Variants in GRB14 observed in about 807,000 individuals in gnomAD.
GRB14 encodes growth factor receptor bound protein 14.
A neutral mutation model predicts 69.1 loss-of-function variants in GRB14; 38 were observed. That is an observed-to-expected ratio of 0.55 (90% CI 0.42 to 0.72). The LOEUF (loss-of-function observed/expected upper bound fraction) is 0.72, where lower values mean the gene tolerates loss of function less well. GRB14 is among the 30% of genes least tolerant of loss of function. GRB14 has a pLI of 0.00. For synonymous variants in GRB14, 247 were observed against 241.3 expected (o/e 1.02, Z -0.22); for missense variants, 666 against 666.1 (o/e 1.00, Z 0.00).
At position 164,502,186 on chromosome 2, in the gene GRB14, T is replaced by C. The variant is rs191928964; in HGVS notation, c.1104+69A>G. On this transcript the variant is annotated intron_variant, in intron 9 of 13. Transcript: ENST00000263915. Reference sequence around the variant, plus strand: ...CATAAATTATTATAAGATACTGTTATGTAGTGTAATTTAAATTAATATAAT... The same window carrying C: ...CATAAATTATTATAAGATACTGTTACGTAGTGTAATTTAAATTAATATAAT... The C allele has an allele frequency of 1.1e-4, 88 of 777,352 alleles. No individual in the cohort carries two copies. The East Asian group carries it at 2.2e-3, about 19-fold the overall frequency. 48.2% of individuals were successfully genotyped at this position (777,352 alleles called of 1,614,324 possible).
chr2:164,553,893 G>A (rs984526512), intron 2 of GRB14, among the ~76,000 whole-genome samples: 41 of 152,238 alleles, frequency 2.7e-4, no homozygotes, highest in South Asian at 8.3e-4. Context: ...GGCGGAGGTT[G>A]CGGTGAGCCA....
At chr2:164,520,122 G>T (rs2105280705) in intron 6 of GRB14, among the ~76,000 whole-genome samples, 1 of 152,152 alleles carries the variant, frequency 6.6e-6, no homozygotes, top group South Asian at 2.1e-4. Flanking sequence ...TATACTACAA[G>T]GCCATAGTCA....
chr2:164,580,633 G>A (rs1213950113), intron 2 of GRB14, among the ~76,000 whole-genome samples: 4 of 151,750 alleles, frequency 2.6e-5, no homozygotes, highest in African/African-American at 9.7e-5. Flanking sequence ...GAACCCGAGA[G>A]GTGGAGGTTG....
intron 2 of GRB14, among the ~76,000 whole-genome samples, chr2:164,596,157 A>G (rs949911516): frequency 1.3e-5 from 2 of 152,168 alleles, no homozygotes; most frequent in Admixed American, 6.5e-5. Context: ...TGAATTCTAT[A>G]TTTGTACTTA....
chr2:164,589,720 C>T (rs1689617577), intron 2 of GRB14, among the ~76,000 whole-genome samples: 1 of 152,144 alleles, frequency 6.6e-6, no homozygotes, highest in Admixed American at 6.6e-5. Flanking sequence ...CAAATTTCAA[C>T]ATGAGGTTTG....
chr2:164,500,226 T>C (rs973474861), intron 9 of GRB14, among the ~76,000 whole-genome samples: 3 of 152,108 alleles, frequency 2.0e-5, no homozygotes, highest in Non-Finnish European at 4.4e-5. Context: ...CAAATATATT[T>C]GGCTTCCTGA....
intron 2 of GRB14, among the ~76,000 whole-genome samples, chr2:164,587,381 CATTATCT>C (rs1689562786): frequency 6.6e-6 from 1 of 152,144 alleles, no homozygotes; most frequent in Non-Finnish European, 1.5e-5. Context: ...GCTGGATGTT[CATTATCT>C]AAGGTGAATT....
chr2:164,519,331 A>G (rs1415350881), intron 6 of GRB14, among the ~76,000 whole-genome samples: 1 of 152,186 alleles, frequency 6.6e-6, no homozygotes, highest in Non-Finnish European at 1.5e-5. Context: ...AAAAAACTTC[A>G]GCAAAATTGG....
chr2:164,525,869 C>G (rs1041531907), intron 4 of GRB14, among the ~76,000 whole-genome samples: 3 of 152,032 alleles, frequency 2.0e-5, no homozygotes, highest in Admixed American at 1.3e-4. Flanking sequence ...TCACTAGCAG[C>G]CCTCCCCTCT....
chr2:164,533,727 T>C (rs543432607), intron 3 of GRB14, among the ~76,000 whole-genome samples: 33 of 152,272 alleles, frequency 2.2e-4, no homozygotes, highest in African/African-American at 7.9e-4. Context: ...TGAACAGCTA[T>C]GACAAATGTG....
chr2:164,595,380 T>A (rs1689758767), intron 2 of GRB14, among the ~76,000 whole-genome samples: 1 of 152,208 alleles, frequency 6.6e-6, no homozygotes, highest in African/African-American at 2.4e-5. Flanking sequence ...TTATACATGC[T>A]ATGAAAACAA....
intron 2 of GRB14, among the ~76,000 whole-genome samples, chr2:164,559,916 C>T (rs1296172663): frequency 1.3e-5 from 2 of 152,166 alleles, no homozygotes; most frequent in East Asian, 3.8e-4. Flanking sequence ...ATTTATTTTA[C>T]ATCAGTGAAA....
intron 2 of GRB14, among the ~76,000 whole-genome samples, chr2:164,568,666 T>C (rs1689047108): frequency 6.6e-6 from 1 of 152,220 alleles, no homozygotes; most frequent in Non-Finnish European, 1.5e-5. Context: ...AACAGGCATC[T>C]AGTTCGCTCA....
chr2:164,581,468 C>G (rs765942613), intron 2 of GRB14, among the ~76,000 whole-genome samples: 3 of 152,076 alleles, frequency 2.0e-5, no homozygotes, highest in Non-Finnish European at 2.9e-5. Context: ...AAGGCAAAAA[C>G]CAAACCAGGA....
chr2:164,563,933 C>T (rs1688897918), intron 2 of GRB14, among the ~76,000 whole-genome samples: 1 of 152,122 alleles, frequency 6.6e-6, no homozygotes, highest in Non-Finnish European at 1.5e-5. Context: ...TCATATTGTA[C>T]ACACCTATGG....
At chr2:164,553,233 T>C (rs532758248) in intron 2 of GRB14, among the ~76,000 whole-genome samples, 2 of 152,164 alleles carry the variant, frequency 1.3e-5, no homozygotes, top group South Asian at 2.1e-4. Flanking sequence ...GAGCAAGAGG[T>C]AAAGTTGGAT....
chr2:164,579,632 T>C (rs1051782520), intron 2 of GRB14, among the ~76,000 whole-genome samples: 1 of 152,044 alleles, frequency 6.6e-6, no homozygotes, highest in African/African-American at 2.4e-5. Flanking sequence ...AGAACCCACA[T>C]AGACATACAG....
chr2:164,517,224 C>G (rs1687515133), intron 6 of GRB14, among the ~76,000 whole-genome samples: 1 of 152,118 alleles, frequency 6.6e-6, no homozygotes. Context: ...ATAAAACCAT[C>G]AGATCTTGTG....
chr2:164,619,920 T>A, intron 1 of GRB14, 101 bp from the exon 2 acceptor site: 1 of 911,258 alleles, frequency 1.1e-6, no homozygotes, highest in Non-Finnish European at 1.8e-6. Context: ...TGTACCACTC[T>A]GTGACAAGGC....
Sources: gnomAD v4.1 joint callset for allele counts (sites outside exome capture counted in the v4.1 genomes callset) on GRCh38, gnomAD v4.1.1 for gene constraint, MANE v1.5 for transcripts, NCBI Gene and HGNC (gene_info 2026-07-23, HGNC 2026-07-21) for gene names.